The following KLF12 variants were observed in gnomAD, a reference collection of about 807,000 sequenced individuals.
The protein encoded by KLF12 is KLF transcription factor 12.
KLF12 carries 9 observed loss-of-function variants against 37.8 expected under a neutral mutation model. That is an observed-to-expected ratio of 0.24 (90% CI 0.14 to 0.42). The LOEUF (loss-of-function observed/expected upper bound fraction) is 0.42. KLF12 is among the 10% of genes least tolerant of loss of function. The pLI, the probability that KLF12 is intolerant of heterozygous loss-of-function variation, is 1.00. For synonymous variants in KLF12, 208 were observed against 202.1 expected (o/e 1.03, Z -0.25); for missense variants, 411 against 516.0 (o/e 0.80, Z 1.97).
intron 1 of KLF12, among the ~76,000 whole-genome samples, chr13:73,998,959 C>T (rs1447790019): frequency 6.6e-6 from 1 of 152,206 alleles, no homozygotes; most frequent in Non-Finnish European, 1.5e-5. Context: ...TGTATCTCTT[C>T]TGAACTTGTA....
In KLF12 at chr13:74,096,069, G is replaced by T. The variant is rs1418823575; in HGVS notation, c.-32+37670C>A. ...AAAAGCCTCAACTTAAGTACACCTA[G>T]AACAGTTGTTCTCCATCACATTATT... On this transcript the variant is annotated intron_variant, in intron 1 of 7. Coordinates refer to ENST00000377669, the MANE Select transcript of KLF12 (RefSeq NM_007249.5). Among the ~76,000 whole-genome samples, 3 of 152,244 alleles carry T rather than the reference G, an allele frequency of 2.0e-5. No homozygotes were observed. The East Asian group carries it at 5.8e-4, about 29-fold the overall frequency.
At chr13:73,851,926 G>A (rs1324525112) in intron 3 of KLF12, among the ~76,000 whole-genome samples, 1 of 152,154 alleles carries the variant, frequency 6.6e-6, no homozygotes, top group African/African-American at 2.4e-5. Flanking sequence ...TAGGTACATG[G>A]CTTAGTTTTG....
At chr13:73,704,256 CAG>C (rs1874762789) in intron 7 of KLF12, among the ~76,000 whole-genome samples, 1 of 152,186 alleles carries the variant, frequency 6.6e-6, no homozygotes, top group Admixed American at 6.6e-5. Flanking sequence ...TCCTAAGCGC[CAG>C]AGAGGGAGAC....
chr13:73,989,520 G>A (rs550324523), intron 2 of KLF12, among the ~76,000 whole-genome samples: 4 of 152,302 alleles, frequency 2.6e-5, no homozygotes, highest in African/African-American at 4.8e-5. Flanking sequence ...CCCTCATGAC[G>A]TGGCAGAAGG....
At chr13:73,914,228 C>T (rs140867611) in intron 3 of KLF12, among the ~76,000 whole-genome samples, 4 of 152,168 alleles carry the variant, frequency 2.6e-5, no homozygotes, top group African/African-American at 4.8e-5. Context: ...CTCTGGCACC[C>T]GGGTTTACCA....
In KLF12 at chr13:73,755,837, T is replaced by C. The variant is rs143642113; in HGVS notation, c.869+9101A>G. Among the ~76,000 whole-genome samples the C allele has an allele frequency of 9.0e-3, 1,377 of 152,166 alleles. 16 individuals are homozygous for C. The highest frequency in any genetic ancestry group is 0.011 in the Non-Finnish European group (780 of 68,010). Reference sequence around the variant, plus strand: ...TCATAGCTTAGCTGCCACTTATGAGTGAGAACATACGATGTTTGGTTTTCC... The same window carrying C: ...TCATAGCTTAGCTGCCACTTATGAGCGAGAACATACGATGTTTGGTTTTCC... On this transcript the variant is annotated intron_variant, in intron 6 of 7. Transcript: ENST00000377669.
chr13:73,866,963 T>C lies in KLF12; in HGVS notation c.124-20590A>G, dbSNP rs530101542. 7.2e-5 allele frequency among the ~76,000 whole-genome samples: 11 copies of C among 152,128 alleles called. No individual in the cohort carries two copies. In the East Asian group the frequency reaches 1.4e-3, roughly 19 times the overall value. On this transcript the variant is annotated intron_variant, in intron 3 of 7. Coordinates refer to ENST00000377669, the MANE Select transcript of KLF12 (RefSeq NM_007249.5). ...GAAATTAAGTAAAAGGATTAAACTA[T>C]GGTGAGCATGAAAATGCCACAGGGG...
the KLF12 span, among the ~76,000 whole-genome samples, chr13:74,268,736 C>T: frequency 6.6e-6 from 1 of 152,090 alleles, no homozygotes; most frequent in Non-Finnish European, 1.5e-5. Flanking sequence ...TCATAATGTG[C>T]CCTAGAAATT....
chr13:74,009,584 G>A (rs1220343972), intron 1 of KLF12, among the ~76,000 whole-genome samples: 2 of 152,198 alleles, frequency 1.3e-5, no homozygotes, highest in Non-Finnish European at 2.9e-5. Flanking sequence ...ATGGGTTTTA[G>A]GGGAACAAGA....
At chr13:74,230,144 T>C in the KLF12 span, among the ~76,000 whole-genome samples, 1 of 152,180 alleles carries the variant, frequency 6.6e-6, no homozygotes, top group African/African-American at 2.4e-5. Context: ...TCGGAGGTAA[T>C]TGAATCATGG....
chr13:73,987,305 C>A (rs988077110), intron 2 of KLF12, among the ~76,000 whole-genome samples: 1 of 152,034 alleles, frequency 6.6e-6, no homozygotes, highest in African/African-American at 2.4e-5. Flanking sequence ...AAATAATATA[C>A]AACTGTTGAT....
chr13:74,283,156 A>G, the KLF12 span, among the ~76,000 whole-genome samples: 1 of 152,316 alleles, frequency 6.6e-6, no homozygotes, highest in South Asian at 2.1e-4. Flanking sequence ...TAGACTGCAA[A>G]CTTCACCGAA....
chr13:74,254,672 T>C, the KLF12 span, among the ~76,000 whole-genome samples: 2 of 152,148 alleles, frequency 1.3e-5, no homozygotes, highest in Non-Finnish European at 2.9e-5. Flanking sequence ...GGTAGCCTCT[T>C]CCGTGTGATG....
At chr13:73,969,179 C>A (rs562175504) in intron 2 of KLF12, among the ~76,000 whole-genome samples, 20 of 152,246 alleles carry the variant, frequency 1.3e-4, no homozygotes, top group African/African-American at 4.8e-4. Flanking sequence ...ACTGACGGGC[C>A]AGAATACAAA....
intron 6 of KLF12, among the ~76,000 whole-genome samples, chr13:73,727,327 C>G (rs1007983592): frequency 6.6e-6 from 1 of 152,144 alleles, no homozygotes; most frequent in African/African-American, 2.4e-5. Context: ...AGCTTTGACT[C>G]TTACATTTAG....
rs146667007 is a variant in KLF12 at position 74,066,126 on chromosome 13, G to A, written c.-32+67613C>T. On this transcript the variant is annotated intron_variant, in intron 1 of 7. Coordinates refer to ENST00000377669, the MANE Select transcript of KLF12 (RefSeq NM_007249.5). The stretch of plus-strand genomic sequence containing the variant: ...CCACATCCACAGGTCAGTAAGGCCC[G>A]TGGACCTGCAGGCAACACTGAGAAG... Among the ~76,000 whole-genome samples the A allele has an allele frequency of 1.2e-4, 18 of 152,184 alleles. No individual in the cohort carries two copies. In the East Asian group the frequency reaches 1.4e-3, roughly 11 times the overall value.
chr13:74,191,871 C>T, the KLF12 span, among the ~76,000 whole-genome samples: 2 of 152,108 alleles, frequency 1.3e-5, no homozygotes, highest in Non-Finnish European at 2.9e-5. Flanking sequence ...TTTACCTTCA[C>T]TAGCTCTGTC....
At chr13:74,155,031 T>C in the KLF12 span, among the ~76,000 whole-genome samples, 2 of 152,358 alleles carry the variant, frequency 1.3e-5, no homozygotes, top group Middle Eastern at 3.4e-3. Context: ...TTAAATATAC[T>C]ATTCTTTATC....
At chr13:74,230,593 A>C in the KLF12 span, among the ~76,000 whole-genome samples, 1 of 152,164 alleles carries the variant, frequency 6.6e-6, no homozygotes, top group East Asian at 1.9e-4. Context: ...CAGTTCCCCA[A>C]CCAAATGGGT....
Sources: gnomAD v4.1 joint callset for allele counts (sites outside exome capture counted in the v4.1 genomes callset) on GRCh38, gnomAD v4.1.1 for gene constraint, MANE v1.5 for transcripts, NCBI Gene and HGNC (gene_info 2026-07-23, HGNC 2026-07-21) for gene names.